Variants in CNTN4 observed in about 807,000 individuals in gnomAD.
The protein encoded by CNTN4 is contactin 4, also known as contactin-4.
A neutral mutation model predicts 122.5 loss-of-function variants in CNTN4; 77 were observed. The observed-to-expected ratio is 0.63, with a 90% CI of 0.52 to 0.76. The LOEUF is 0.76. CNTN4 is among the 30% of genes least tolerant of loss of function. The pLI, the probability that CNTN4 is intolerant of heterozygous loss-of-function variation, is 0.00. For synonymous variants in CNTN4, 512 were observed against 447.0 expected (o/e 1.15, Z -1.83); for missense variants, 1,256 against 1,259.1 (o/e 1.00, Z 0.04).
At chr3:2,167,287 A>T (rs2036238116) in intron 2 of CNTN4, among the ~76,000 whole-genome samples, 1 of 152,200 alleles carries the variant, frequency 6.6e-6, no homozygotes, top group Non-Finnish European at 1.5e-5. Flanking sequence ...TTGCCACCTC[A>T]TGGAATGAAT....
At chr3:2,375,955 C>T (rs2045799980) in intron 3 of CNTN4, among the ~76,000 whole-genome samples, 1 of 152,050 alleles carries the variant, frequency 6.6e-6, no homozygotes, top group Admixed American at 6.6e-5. Flanking sequence ...CTGCTGTTCT[C>T]TTTCAGCTTA....
intron 4 of CNTN4, among the ~76,000 whole-genome samples, chr3:2,592,852 G>A (rs184313256): frequency 6.6e-6 from 1 of 152,204 alleles, no homozygotes; most frequent in Non-Finnish European, 1.5e-5. Flanking sequence ...CACAGCCTTA[G>A]AAATGCTCAC....
At chr3:2,868,269 C>A (rs1480252675) in intron 8 of CNTN4, among the ~76,000 whole-genome samples, 12 of 152,164 alleles carry the variant, frequency 7.9e-5, no homozygotes, top group Non-Finnish European at 1.5e-5. Context: ...GACGGGGAAA[C>A]TGGGGCTCAG....
chr3:2,598,106 A>T (rs75832240), intron 4 of CNTN4, among the ~76,000 whole-genome samples: 1 of 152,136 alleles, frequency 6.6e-6, no homozygotes, highest in African/African-American at 2.4e-5. Context: ...TGAATTCAGC[A>T]GGTGCTTCAA....
chr3:2,727,754 A>G (rs1166468485), intron 4 of CNTN4, among the ~76,000 whole-genome samples: 1 of 152,232 alleles, frequency 6.6e-6, no homozygotes, highest in African/African-American at 2.4e-5. Context: ...CAAGAGAACA[A>G]AGAAATCGTC....
At chr3:2,906,067 C>A (rs1187493633) in intron 12 of CNTN4, among the ~76,000 whole-genome samples, 3 of 152,112 alleles carry the variant, frequency 2.0e-5, no homozygotes, top group Non-Finnish European at 4.4e-5. Context: ...GGACATCGTG[C>A]TGTGTGAAAT....
chr3:2,814,596 A>T (rs541461798), intron 6 of CNTN4, among the ~76,000 whole-genome samples: 1 of 152,358 alleles, frequency 6.6e-6, no homozygotes, highest in African/African-American at 2.4e-5. Flanking sequence ...TTCTTTCCAT[A>T]TTCACTGAGT....
intron 13 of CNTN4, among the ~76,000 whole-genome samples, chr3:2,957,152 C>G (rs2094808116): frequency 6.6e-6 from 1 of 152,122 alleles, no homozygotes; most frequent in South Asian, 2.1e-4. Context: ...GATATATACG[C>G]AGAAGTGGGA....
chr3:2,144,983 C>A (rs2035177175), intron 2 of CNTN4, among the ~76,000 whole-genome samples: 1 of 152,118 alleles, frequency 6.6e-6, no homozygotes. Flanking sequence ...TTTTCGCTCC[C>A]CTAGGAAAGC....
intron 4 of CNTN4, among the ~76,000 whole-genome samples, chr3:2,690,345 G>C (rs373689835): frequency 6.6e-6 from 1 of 152,058 alleles, no homozygotes; most frequent in Admixed American, 6.6e-5. Flanking sequence ...AAGTGTGTTC[G>C]TTTCTAAGAG....
intron 3 of CNTN4, among the ~76,000 whole-genome samples, chr3:2,504,719 A>G (rs1160795011): frequency 1.3e-5 from 2 of 152,210 alleles, no homozygotes; most frequent in African/African-American, 4.8e-5. Context: ...TTGTGATCAA[A>G]CAACAACAGG....
intron 2 of CNTN4, among the ~76,000 whole-genome samples, chr3:2,310,265 G>C (rs534548207): frequency 6.6e-6 from 1 of 152,086 alleles, no homozygotes; most frequent in African/African-American, 2.4e-5. Context: ...ATAAACTTCA[G>C]TTTTCTCTTC....
chr3:2,322,569 A>G (rs183350051), intron 2 of CNTN4, among the ~76,000 whole-genome samples: 27 of 152,166 alleles, frequency 1.8e-4, no homozygotes, highest in Admixed American at 1.2e-3. Context: ...CAGATTTTCT[A>G]TTGGGGATCA....
At chr3:2,329,861 C>G (rs1392550534) in intron 2 of CNTN4, among the ~76,000 whole-genome samples, 2 of 152,196 alleles carry the variant, frequency 1.3e-5, no homozygotes, top group Non-Finnish European at 2.9e-5. Context: ...AAACGTTTCT[C>G]TCTACTTACA....
chr3:2,183,703 T>C (rs1170287177), intron 2 of CNTN4, among the ~76,000 whole-genome samples: 1 of 152,156 alleles, frequency 6.6e-6, no homozygotes. Flanking sequence ...GAACAGCTCT[T>C]TGATATCTGG....
At chr3:2,492,320 T>C (rs1016356389) in intron 3 of CNTN4, among the ~76,000 whole-genome samples, 6 of 152,092 alleles carry the variant, frequency 3.9e-5, no homozygotes, top group African/African-American at 1.4e-4. Flanking sequence ...TTCAGAGAGA[T>C]TGGAGTTTGC....
intron 3 of CNTN4, among the ~76,000 whole-genome samples, chr3:2,523,374 A>AC (rs1192408970): frequency 2.1e-5 from 2 of 96,418 alleles, no homozygotes; most frequent in African/African-American, 3.2e-5. Context: ...AAAAAAAAAC[A>AC]AAACTTTTTT....
intron 6 of CNTN4, among the ~76,000 whole-genome samples, chr3:2,772,651 A>G (rs1576732960): frequency 6.6e-6 from 1 of 152,326 alleles, no homozygotes; most frequent in East Asian, 1.9e-4. Context: ...GTAAACCTCA[A>G]TTATTTCAGG....
chr3:2,418,907 A>T (rs147935852), intron 3 of CNTN4, among the ~76,000 whole-genome samples: 1 of 152,304 alleles, frequency 6.6e-6, no homozygotes, highest in Non-Finnish European at 1.5e-5. Flanking sequence ...GAAAGGAAAG[A>T]ATCCTACAAC....
Sources: gnomAD v4.1 joint callset for allele counts (sites outside exome capture counted in the v4.1 genomes callset) on GRCh38, gnomAD v4.1.1 for gene constraint, MANE v1.5 for transcripts, NCBI Gene and HGNC (gene_info 2026-07-23, HGNC 2026-07-21) for gene names.